Variants in METTL15 observed in about 807,000 individuals in gnomAD.
The protein encoded by METTL15 is methyltransferase 15, mitochondrial 12S rRNA N4-cytidine, also known as 12S rRNA N(4)-cytidine methyltransferase METTL15.
A neutral mutation model predicts 38.3 loss-of-function variants in METTL15; 34 were observed. The ratio of observed to expected loss-of-function variants is 0.89; its 90% confidence interval spans 0.68 to 1.18. The LOEUF (loss-of-function observed/expected upper bound fraction) is 1.18, where lower values mean the gene tolerates loss of function less well. Among genes scored for constraint, METTL15 ranks in the 50% most tolerant of loss-of-function variants. The pLI, the probability that METTL15 is intolerant of heterozygous loss-of-function variation, is 0.00. For synonymous variants in METTL15, 162 were observed against 170.9 expected, an observed-to-expected ratio of 0.95 and a Z score of 0.41; for missense variants, 438 against 498.4, an observed-to-expected ratio of 0.88 and a Z score of 1.15.
chr11:28,439,480 T>A (rs1228064106), intron 6 of METTL15, among the ~76,000 whole-genome samples: 1 of 152,202 alleles, frequency 6.6e-6, no homozygotes, highest in Non-Finnish European at 1.5e-5. Flanking sequence ...CAATTTAGAA[T>A]AGGCAAATTT....
chr11:28,511,942 C>T (rs1851677872), intron 6 of METTL15, among the ~76,000 whole-genome samples: 1 of 152,138 alleles, frequency 6.6e-6, no homozygotes, highest in Admixed American at 6.6e-5. Context: ...TGACAGGGTG[C>T]TGATTGGTGC....
chr11:28,482,158 C>A (rs148023058), intron 6 of METTL15, among the ~76,000 whole-genome samples: 52 of 152,310 alleles, frequency 3.4e-4, no homozygotes, highest in African/African-American at 1.3e-3. Flanking sequence ...AGTGGGGAAG[C>A]TGTCTTCACT....
At chr11:28,189,017 T>C (rs1851607988) in intron 3 of METTL15, among the ~76,000 whole-genome samples, 1 of 151,366 alleles carries the variant, frequency 6.6e-6, no homozygotes, top group Non-Finnish European at 1.5e-5. Context: ...ATGTGTGATG[T>C]AGGTGTGTAG....
chr11:28,285,157 A>G (rs992345158), intron 4 of METTL15, among the ~76,000 whole-genome samples: 4 of 152,164 alleles, frequency 2.6e-5, no homozygotes, highest in African/African-American at 4.8e-5. Flanking sequence ...TTTCCTTACA[A>G]TCATGAGAAC....
Position 28,186,989 on chromosome 11 carries a change from A to G in METTL15, c.271-24073A>G, listed in dbSNP as rs945105873. 2.7e-4 allele frequency among the ~76,000 whole-genome samples: 41 copies of G among 151,216 alleles called. 1 individual carries two copies. Among genetic ancestry groups the G allele is most frequent in the Admixed American group, 1.3e-4 (2 of 15,092 alleles). On this transcript the variant is annotated intron_variant, in intron 3 of 6. Transcript: ENST00000407364. ...ATAACTACAGTGTTAATATACTTAT[A>G]AAGAAACTTCTTAAAAATATAAAAG...
chr11:28,304,129 T>C (rs1857000418), intron 6 of METTL15, among the ~76,000 whole-genome samples: 1 of 152,278 alleles, frequency 6.6e-6, no homozygotes, highest in East Asian at 1.9e-4. Context: ...AGGAATGCAG[T>C]AGTTGGAACT....
chr11:28,477,251 A>G (rs917720357), intron 6 of METTL15, among the ~76,000 whole-genome samples: 1 of 152,184 alleles, frequency 6.6e-6, no homozygotes, highest in Non-Finnish European at 1.5e-5. Context: ...ATCTTGGCTC[A>G]CTGCAATCTC....
intron 6 of METTL15, among the ~76,000 whole-genome samples, chr11:28,445,005 T>C (rs1851063654): frequency 6.6e-6 from 1 of 151,782 alleles, no homozygotes; most frequent in African/African-American, 2.4e-5. Flanking sequence ...CCTGAGAGGA[T>C]GGGGTTAGAG....
At chr11:28,138,022 G>A (rs946595280) in intron 3 of METTL15, among the ~76,000 whole-genome samples, 4 of 152,060 alleles carry the variant, frequency 2.6e-5, no homozygotes, top group Admixed American at 2.6e-4. Flanking sequence ...CAGTTTCTAG[G>A]GACCAGTAAA....
At chr11:28,251,258 T>A (rs1854731192) in intron 4 of METTL15, among the ~76,000 whole-genome samples, 1 of 152,084 alleles carries the variant, frequency 6.6e-6, no homozygotes, top group Non-Finnish European at 1.5e-5. Context: ...TTATCCTTTT[T>A]TGGTCCTGCC....
At chr11:28,303,023 C>A (rs972037778) in intron 6 of METTL15, among the ~76,000 whole-genome samples, 2 of 152,068 alleles carry the variant, frequency 1.3e-5, no homozygotes, top group Non-Finnish European at 2.9e-5. Flanking sequence ...TGATGTTTTG[C>A]ATAGTCTTAA....
At chr11:28,459,451 G>A (rs1290900725) in intron 6 of METTL15, among the ~76,000 whole-genome samples, 1 of 152,116 alleles carries the variant, frequency 6.6e-6, no homozygotes, top group Non-Finnish European at 1.5e-5. Context: ...TAAAGCCTAT[G>A]CCTTTTTCAT....
chr11:28,259,741 C>T (rs1473766800), intron 4 of METTL15, among the ~76,000 whole-genome samples: 1 of 152,170 alleles, frequency 6.6e-6, no homozygotes, highest in Admixed American at 6.5e-5. Flanking sequence ...TGATTCAAGG[C>T]TGTTTTTCCT....
intron 6 of METTL15, among the ~76,000 whole-genome samples, chr11:28,319,556 GA>G (rs1432148590): frequency 6.6e-6 from 1 of 151,728 alleles, no homozygotes; most frequent in African/African-American, 2.4e-5. Flanking sequence ...GTGAACTTGA[GA>G]AGAGACATTT....
At chr11:28,248,239 A>T (rs1301371193) in intron 4 of METTL15, among the ~76,000 whole-genome samples, 1 of 151,874 alleles carries the variant, frequency 6.6e-6, no homozygotes, top group Non-Finnish European at 1.5e-5. Flanking sequence ...GAACAATGAG[A>T]CCTCCTCATA....
At chr11:28,224,715 A>G (rs1385452376) in intron 4 of METTL15, among the ~76,000 whole-genome samples, 1 of 151,770 alleles carries the variant, frequency 6.6e-6, no homozygotes, top group Non-Finnish European at 1.5e-5. Flanking sequence ...ATATACTCTT[A>G]TCTATATTCA....
In METTL15 at chr11:28,307,614, A is replaced by G. The variant is rs551737100; in HGVS notation, c.778+10683A>G. ...TTTTAAATGGTAAATCAGGCTAAATATGCCATAAAATACAGGGTCAGTCTT... is the reference window on the plus strand; with the variant it reads ...TTTTAAATGGTAAATCAGGCTAAATGTGCCATAAAATACAGGGTCAGTCTT... On this transcript the variant is annotated intron_variant, in intron 6 of 6. Transcript: ENST00000407364. Among the ~76,000 whole-genome samples, 507 of 152,086 alleles carry G rather than the reference A, an allele frequency of 3.3e-3. 6 individuals carry two copies. Among genetic ancestry groups the G allele is most frequent in the African/African-American group, 0.012 (489 of 41,554 alleles).
In METTL15 at chr11:28,130,586, G is replaced by GGAAA. The variant is rs1472530198; in HGVS notation, c.270+16984_270+16987dup. On this transcript the variant is annotated intron_variant, in intron 3 of 6. Coordinates refer to ENST00000407364, the MANE Select transcript of METTL15 (RefSeq NM_001113528.2). ...TTCAGTTAGAATACGTTGAGCTGAT[G>GGAAA]GAAAGGTCTAGCAACTGACTGAGAG... 6.6e-5 allele frequency among the ~76,000 whole-genome samples: 10 copies of GGAAA among 150,840 alleles called. No homozygotes were observed. The Admixed American group carries it at 6.7e-4, about 10-fold the overall frequency.
intron 5 of METTL15, among the ~76,000 whole-genome samples, chr11:28,411,489 C>T (rs552774546): frequency 3.9e-4 from 59 of 152,020 alleles, no homozygotes; most frequent in African/African-American, 1.3e-3. Flanking sequence ...GAAGGGGAAA[C>T]AATAGTCTCT....
Sources: gnomAD v4.1 joint callset for allele counts (sites outside exome capture counted in the v4.1 genomes callset) on GRCh38, gnomAD v4.1.1 for gene constraint, MANE v1.5 for transcripts, NCBI Gene and HGNC (gene_info 2026-07-23, HGNC 2026-07-21) for gene names.